The following RGS9 variants were observed in gnomAD, a reference collection of about 807,000 sequenced individuals.
RGS9 encodes the protein regulator of G protein signaling 9.
Under a neutral mutation model 102.0 loss-of-function variants are expected in RGS9, and 78 were observed. The observed-to-expected ratio is 0.76, with a 90% CI of 0.64 to 0.92. The LOEUF is 0.92. Among genes scored for constraint, RGS9 ranks in the 40% least tolerant of loss-of-function variants. The pLI, the probability that RGS9 is intolerant of heterozygous loss-of-function variation, is 0.00. For synonymous variants in RGS9, 353 were observed against 318.6 expected, an observed-to-expected ratio of 1.11 and a Z score of -1.15; for missense variants, 833 against 866.1, an observed-to-expected ratio of 0.96 and a Z score of 0.48.
At chr17:65,185,575 T>C (rs1039765712) in intron 9 of RGS9, 2 of 152,406 alleles carry the variant, frequency 1.3e-5, no homozygotes, top group African/African-American at 4.8e-5. Flanking sequence ...AAATACAAGC[T>C]AAATTCATGT....
At chr17:65,210,867 G>T (rs1439432886) in intron 17 of RGS9, among the ~76,000 whole-genome samples, 4 of 152,164 alleles carry the variant, frequency 2.6e-5, no homozygotes, top group African/African-American at 9.7e-5. Context: ...GACAGGGTGG[G>T]CGAAGGCGGT....
chr17:65,144,844 A>G (rs1483383115), intron 1 of RGS9, among the ~76,000 whole-genome samples: 2 of 152,166 alleles, frequency 1.3e-5, no homozygotes, highest in African/African-American at 4.8e-5. Flanking sequence ...ACAAAGATGC[A>G]TAGACTGAGT....
chr17:65,203,759 G>A (rs1464882785), intron 14 of RGS9, among the ~76,000 whole-genome samples: 1 of 152,120 alleles, frequency 6.6e-6, no homozygotes, highest in Non-Finnish European at 1.5e-5. Context: ...GGGTTGGGAG[G>A]AGAGCAGAGA....
At chr17:65,223,356 G>A (rs1384483234) in intron 17 of RGS9, among the ~76,000 whole-genome samples, 1 of 152,248 alleles carries the variant, frequency 6.6e-6, no homozygotes, top group African/African-American at 2.4e-5. Flanking sequence ...CTGAGCTGCT[G>A]TTTGGGAACA....
intron 15 of RGS9, among the ~76,000 whole-genome samples, chr17:65,205,609 T>G (rs1203077893): frequency 6.6e-6 from 1 of 151,846 alleles, no homozygotes; most frequent in Non-Finnish European, 1.5e-5. Context: ...GTAGGTTATA[T>G]GATATAGGTT....
chr17:65,210,425 C>T, intron 16 of RGS9, 63 bp from the exon 17 acceptor site: 2 of 1,568,272 alleles, frequency 1.3e-6, no homozygotes, highest in Non-Finnish European at 1.8e-6. Context: ...TCAAGTGTGA[C>T]AGGGTCAGTG....
chr17:65,194,967 T>A (rs573113960), intron 12 of RGS9, among the ~76,000 whole-genome samples: 3 of 152,304 alleles, frequency 2.0e-5, no homozygotes, highest in African/African-American at 7.2e-5. Context: ...AGCCAACAGG[T>A]TAAGGAGGCC....
At chr17:65,150,724 C>T (rs746753930) in intron 1 of RGS9, among the ~76,000 whole-genome samples, 25 of 152,362 alleles carry the variant, frequency 1.6e-4, no homozygotes, top group Admixed American at 1.2e-3. Context: ...CTTGTCATTG[C>T]ATGTTCTGCA....
At chr17:65,202,939 T>C (rs1912913530) in intron 14 of RGS9, among the ~76,000 whole-genome samples, 1 of 152,156 alleles carries the variant, frequency 6.6e-6, no homozygotes, top group Non-Finnish European at 1.5e-5. Context: ...GGGCCCAGCA[T>C]TGTTAGTTCA....
intron 12 of RGS9, among the ~76,000 whole-genome samples, chr17:65,195,698 A>G (rs997600109): frequency 1.3e-5 from 2 of 152,162 alleles, no homozygotes; most frequent in African/African-American, 2.4e-5. Flanking sequence ...CAGTATTACA[A>G]TTACTGGGGA....
chr17:65,158,391 C>T lies in RGS9; in HGVS notation c.205+46C>T, dbSNP rs905716657. 8.4e-6 allele frequency: 13 copies of T among 1,543,164 alleles called. No individual in the cohort carries two copies. In the Admixed American group the frequency reaches 1.2e-4, roughly 14 times the overall value. ...CAGTTATCCGGGACAGCTTTGTGTA[C>T]AGCACCATGGGAGAAACTAAATAGA... On this transcript the variant is annotated intron_variant, in intron 3 of 18. Coordinates refer to ENST00000262406, the MANE Select transcript of RGS9 (RefSeq NM_003835.4).
chr17:65,169,717 C>A (rs562677046), intron 8 of RGS9, among the ~76,000 whole-genome samples: 1 of 152,326 alleles, frequency 6.6e-6, no homozygotes, highest in East Asian at 1.9e-4. Flanking sequence ...CTTCTCAGTT[C>A]TTCTGGGGTA....
intron 17 of RGS9, among the ~76,000 whole-genome samples, chr17:65,215,084 T>C (rs1240560047): frequency 2.0e-5 from 3 of 152,172 alleles, no homozygotes; most frequent in African/African-American, 7.2e-5. Flanking sequence ...TTGCAGTTCG[T>C]ATGCTGGATG....
chr17:65,185,915 C>T (rs892654062), intron 9 of RGS9, among the ~76,000 whole-genome samples: 1 of 152,172 alleles, frequency 6.6e-6, no homozygotes, highest in Non-Finnish European at 1.5e-5. Context: ...CAGAGAACAC[C>T]AGGCAGCCAG....
intron 7 of RGS9, among the ~76,000 whole-genome samples, chr17:65,163,982 G>T (rs921982092): frequency 1.3e-5 from 2 of 152,194 alleles, no homozygotes; most frequent in South Asian, 2.1e-4. Context: ...TTAGAACCAC[G>T]CCTCGTTCAC....
chr17:65,201,723 A>T (rs1006394863), intron 13 of RGS9, among the ~76,000 whole-genome samples: 1 of 152,232 alleles, frequency 6.6e-6, no homozygotes, highest in African/African-American at 2.4e-5. Flanking sequence ...GGTAGGTGCC[A>T]ATCTAGTTTA....
At chr17:65,189,139 G>A (rs966003781) in intron 9 of RGS9, 147 bp from the exon 10 acceptor site, 3 of 686,862 alleles carry the variant, frequency 4.4e-6, no homozygotes, top group Admixed American at 2.2e-5. Flanking sequence ...TAGAGTGGAG[G>A]CAGTAGACAT....
intron 1 of RGS9, 140 bp downstream of exon 1, chr17:65,137,737 T>C: frequency 1.4e-6 from 1 of 726,062 alleles, no homozygotes; most frequent in Non-Finnish European, 2.4e-6. Context: ...GTGACTTCTT[T>C]GCTGTGTGTG....
chr17:65,198,831 A>G (rs929185978), intron 13 of RGS9, among the ~76,000 whole-genome samples: 3 of 152,234 alleles, frequency 2.0e-5, no homozygotes, highest in Admixed American at 6.5e-5. Flanking sequence ...GATGCAAAAC[A>G]TTACATGATA....
Sources: gnomAD v4.1 joint callset for allele counts (sites outside exome capture counted in the v4.1 genomes callset) on GRCh38, gnomAD v4.1.1 for gene constraint, MANE v1.5 for transcripts, NCBI Gene and HGNC (gene_info 2026-07-23, HGNC 2026-07-21) for gene names.